The following ANO3 variants were observed in gnomAD, a reference collection of about 807,000 sequenced individuals.
The protein encoded by ANO3 is anoctamin 3.
In ANO3, 99 loss-of-function variants were observed where a neutral mutation model predicts 144.8. That is an observed-to-expected ratio of 0.68 (90% CI 0.58 to 0.81). ANO3 has a LOEUF of 0.81. Ranked by LOEUF, ANO3 falls within the 30% of genes least tolerant of loss-of-function variation. The probability of loss-of-function intolerance (pLI) is 0.00; values close to 1 mark genes in which losing one functional copy is unlikely to be tolerated. For synonymous variants in ANO3, 414 were observed against 392.6 expected (o/e 1.05, Z -0.64); for missense variants, 905 against 1,202.2 (o/e 0.75, Z 3.66).
intron 1 of ANO3, among the ~76,000 whole-genome samples, chr11:26,315,188 T>A (rs1443211036): frequency 1.3e-5 from 2 of 152,150 alleles, no homozygotes; most frequent in African/African-American, 4.8e-5. Flanking sequence ...AGTCCAAAAA[T>A]ATCTGTGTAT....
At chr11:26,476,222 G>A (rs1859963277) in intron 4 of ANO3, among the ~76,000 whole-genome samples, 2 of 152,122 alleles carry the variant, frequency 1.3e-5, no homozygotes. Context: ...TTGTAGTCTA[G>A]TGGAGGAATA....
At chr11:26,323,335 T>C (rs927307767) in intron 1 of ANO3, among the ~76,000 whole-genome samples, 1 of 152,158 alleles carries the variant, frequency 6.6e-6, no homozygotes, top group Non-Finnish European at 1.5e-5. Flanking sequence ...AATATCTGCT[T>C]TGGCAGTTTT....
chr11:26,585,952 A>T (rs1006562029), intron 14 of ANO3, among the ~76,000 whole-genome samples: 2 of 152,214 alleles, frequency 1.3e-5, no homozygotes, highest in Non-Finnish European at 2.9e-5. Context: ...GATTATTAAA[A>T]TACTTTATAA....
At chr11:26,268,216 A>G (rs1302807031) in intron 1 of ANO3, among the ~76,000 whole-genome samples, 1 of 152,188 alleles carries the variant, frequency 6.6e-6, no homozygotes, top group Non-Finnish European at 1.5e-5. Flanking sequence ...TAATCTAAAA[A>G]CTGTTACTTG....
chr11:26,220,923 AC>A (rs1852130224), intron 1 of ANO3, among the ~76,000 whole-genome samples: 1 of 152,150 alleles, frequency 6.6e-6, no homozygotes, highest in Non-Finnish European at 1.5e-5. Flanking sequence ...CTGACTGCCT[AC>A]AGATAAAGAT....
Position 26,516,844 on chromosome 11 carries a change from C to T in ANO3, c.609C>T (p.Pro203=), listed in dbSNP as rs778253031. The T allele has an allele frequency of 9.9e-6, 16 of 1,610,704 alleles. No individual in the cohort carries two copies. The highest frequency in any genetic ancestry group is 1.3e-5 in the African/African-American group (1 of 74,860). Residue 203 remains proline (P), a synonymous_variant, in exon 6 of 27, where the codon CCC becomes CCT. Coordinates refer to ENST00000256737, the MANE Select transcript of ANO3 (RefSeq NM_031418.4). The stretch of plus-strand genomic sequence containing the variant: ...ATTTGCAGCCAGCTATTGCAAGCCC[C>T]GATATCATGTTTATTAAAATTCACA... ...MLEKEPAIAS[P]DIMFIKIHIP... is the part of the protein sequence containing the mutation.
At position 26,505,229 on chromosome 11, in the gene ANO3, GA is replaced by G. The variant is rs1007629728; in HGVS notation, c.433-2866del. 3.3e-5 allele frequency among the ~76,000 whole-genome samples: 5 copies of G among 150,538 alleles called. No homozygotes were observed. In the South Asian group the frequency reaches 1.0e-3, roughly 32 times the overall value. ...GTTTGATGGGTAAGAAAAAGAGCTA[GA>G]AAAAAAAAGACGATTCAAAATGTTT... On this transcript the variant is annotated intron_variant, in intron 4 of 26. Coordinates refer to ENST00000256737, the MANE Select transcript of ANO3 (RefSeq NM_031418.4).
intron 3 of ANO3, among the ~76,000 whole-genome samples, chr11:26,459,871 T>C (rs1175711214): frequency 6.6e-6 from 1 of 152,108 alleles, no homozygotes. Context: ...TTTATTAAGA[T>C]GGCAATAGTT....
At chr11:26,194,855 C>T (rs139009428) in intron 1 of ANO3, among the ~76,000 whole-genome samples, 16 of 151,950 alleles carry the variant, frequency 1.1e-4, no homozygotes, top group African/African-American at 3.1e-4. Flanking sequence ...TGTGAGCCAC[C>T]GTGTCCAGCC....
chr11:26,460,457 AAGGAAGGAAGGAAGGG>A (rs1859353162), intron 3 of ANO3, among the ~76,000 whole-genome samples: 1 of 149,780 alleles, frequency 6.7e-6, no homozygotes, highest in Non-Finnish European at 1.5e-5. Flanking sequence ...AGAAGGAAAG[AAGGAAGGAAGGAAGGG>A]AGGAAGGAAG....
chr11:26,361,740 A>G (rs994288371), intron 1 of ANO3, among the ~76,000 whole-genome samples: 1 of 152,072 alleles, frequency 6.6e-6, no homozygotes, highest in Non-Finnish European at 1.5e-5. Flanking sequence ...ATAAATTTTC[A>G]TCTTTAGTTT....
intron 1 of ANO3, among the ~76,000 whole-genome samples, chr11:26,193,422 C>G (rs549046686): frequency 3.0e-4 from 45 of 152,116 alleles, no homozygotes; most frequent in African/African-American, 1.1e-3. Context: ...TTACAGGCGT[C>G]AGCCACCACA....
intron 1 of ANO3, among the ~76,000 whole-genome samples, chr11:26,207,352 A>G (rs1299856921): frequency 1.3e-5 from 2 of 152,214 alleles, no homozygotes; most frequent in Non-Finnish European, 2.9e-5. Flanking sequence ...GTCTGAAAGC[A>G]AAAGCTCAGC....
intron 3 of ANO3, among the ~76,000 whole-genome samples, chr11:26,451,741 C>G (rs1292675446): frequency 6.6e-6 from 1 of 152,244 alleles, no homozygotes; most frequent in African/African-American, 2.4e-5. Flanking sequence ...AGTGGTTCTC[C>G]CAGCATGCAG....
intron 5 of ANO3, among the ~76,000 whole-genome samples, chr11:26,512,787 C>G (rs912745982): frequency 6.6e-6 from 1 of 152,168 alleles, no homozygotes; most frequent in Non-Finnish European, 1.5e-5. Flanking sequence ...ATAACCAGTA[C>G]TAGGCAAGCT....
At chr11:26,563,951 G>C (rs140216791) in intron 14 of ANO3, among the ~76,000 whole-genome samples, 143 of 151,888 alleles carry the variant, frequency 9.4e-4, no homozygotes, top group Non-Finnish European at 1.7e-3. Flanking sequence ...CTGAAATTTA[G>C]TACATTTCTC....
chr11:26,300,560 A>G (rs1228987241), intron 1 of ANO3, among the ~76,000 whole-genome samples: 1 of 152,180 alleles, frequency 6.6e-6, no homozygotes, highest in African/African-American at 2.4e-5. Flanking sequence ...CATTCTCCTC[A>G]TTATAGATGG....
At chr11:26,515,420 G>T (rs1238822397) in intron 5 of ANO3, among the ~76,000 whole-genome samples, 5 of 151,844 alleles carry the variant, frequency 3.3e-5, no homozygotes, top group Non-Finnish European at 7.4e-5. Context: ...ATCATGGAAT[G>T]AGCCCCCACT....
chr11:26,354,212 C>G (rs1317943734), intron 1 of ANO3, among the ~76,000 whole-genome samples: 1 of 152,094 alleles, frequency 6.6e-6, no homozygotes, highest in Admixed American at 6.5e-5. Flanking sequence ...ATGTAACGTA[C>G]AGAATTGAAA....
Sources: allele counts gnomAD v4.1 joint callset (sites outside exome capture counted in the v4.1 genomes callset), GRCh38; gene constraint gnomAD v4.1.1; transcripts MANE v1.5; gene names NCBI Gene and HGNC (gene_info 2026-07-23, HGNC 2026-07-21).